The following ESRRB variants were observed in gnomAD, a reference collection of about 807,000 sequenced individuals.
The protein encoded by ESRRB is estrogen related receptor beta.
In ESRRB, 16 loss-of-function variants were observed where a neutral mutation model predicts 46.0. The ratio of observed to expected loss-of-function variants is 0.35; its 90% CI spans 0.24 to 0.53. The LOEUF is 0.53. Ranked by LOEUF, ESRRB falls within the 20% of genes least tolerant of loss-of-function variation. The pLI is 0.93. For missense variants in ESRRB, 488 were observed against 607.4 expected (o/e 0.80, Z 2.07); for synonymous variants, 246 against 259.6 (o/e 0.95, Z 0.50).
intron 1 of ESRRB, among the ~76,000 whole-genome samples, chr14:76,320,572 C>T (rs1324893304): frequency 2.6e-5 from 4 of 152,312 alleles, no homozygotes; most frequent in Admixed American, 6.5e-5. Context: ...TGCCTGGACA[C>T]GGCAGGCACT....
chr14:76,424,447 G>GTAGAAAGGGCCATGGCCA (rs1364634195), intron 1 of ESRRB, among the ~76,000 whole-genome samples: 2 of 152,150 alleles, frequency 1.3e-5, no homozygotes, highest in Non-Finnish European at 2.9e-5. Flanking sequence ...ACAAGGCTAT[G>GTAGAAAGGGCCATGGCCA]TAGAAAGGGC....
chr14:76,493,580 T>A (rs1442931847), intron 6 of ESRRB, among the ~76,000 whole-genome samples: 1 of 152,184 alleles, frequency 6.6e-6, no homozygotes, highest in Non-Finnish European at 1.5e-5. Flanking sequence ...GGATACAAAG[T>A]GTTATTAGCA....
intron 2 of ESRRB, among the ~76,000 whole-genome samples, chr14:76,442,687 AT>A (rs745393199): frequency 6.6e-6 from 1 of 152,106 alleles, no homozygotes; most frequent in Non-Finnish European, 1.5e-5. Flanking sequence ...CAACGGACAC[AT>A]TTATCTTATA....
At chr14:76,395,024 TGG>T (rs745350531) in intron 1 of ESRRB, among the ~76,000 whole-genome samples, 6 of 152,194 alleles carry the variant, frequency 3.9e-5, no homozygotes, top group African/African-American at 7.2e-5. Flanking sequence ...TCTCCCTATG[TGG>T]GCCCACTTCT....
At chr14:76,431,034 T>G (rs1010012605) in intron 1 of ESRRB, among the ~76,000 whole-genome samples, 3 of 152,226 alleles carry the variant, frequency 2.0e-5, no homozygotes, top group Non-Finnish European at 4.4e-5. Flanking sequence ...TGATGGCTCA[T>G]GCCTGTAATC....
At chr14:76,350,516 A>G (rs1375790546) in intron 1 of ESRRB, among the ~76,000 whole-genome samples, 1 of 152,196 alleles carries the variant, frequency 6.6e-6, no homozygotes, top group Non-Finnish European at 1.5e-5. Flanking sequence ...ACCTACCAGG[A>G]CGGCAGAAGC....
chr14:76,379,635 G>T (rs1274401525), intron 1 of ESRRB, among the ~76,000 whole-genome samples: 1 of 152,178 alleles, frequency 6.6e-6, no homozygotes, highest in Non-Finnish European at 1.5e-5. Context: ...AAGAGGATGG[G>T]TGATAGGAGG....
At chr14:76,492,731 C>A (rs2140052840) in intron 6 of ESRRB, among the ~76,000 whole-genome samples, 1 of 152,318 alleles carries the variant, frequency 6.6e-6, no homozygotes, top group East Asian at 1.9e-4. Context: ...ACCTTCCCAA[C>A]TGAGTGGTTT....
intron 2 of ESRRB, among the ~76,000 whole-genome samples, chr14:76,446,086 C>T (rs1888134013): frequency 6.6e-6 from 1 of 152,218 alleles, no homozygotes; most frequent in Non-Finnish European, 1.5e-5. Context: ...GTAAGCCAGC[C>T]ACCCTTGGTT....
At chr14:76,461,583 A>G (rs1888863329) in intron 2 of ESRRB, among the ~76,000 whole-genome samples, 1 of 152,124 alleles carries the variant, frequency 6.6e-6, no homozygotes. Flanking sequence ...ATCTCGGCTC[A>G]CTGCAACCTC....
intron 5 of ESRRB, among the ~76,000 whole-genome samples, chr14:76,489,480 C>CACACACACACACACACACACACACACA (rs1890138576): frequency 6.6e-6 from 1 of 150,692 alleles, no homozygotes; most frequent in Admixed American, 6.6e-5. Flanking sequence ...CACACACACA[C>CACACACACACACACACACACACACACA]CCTGATCCCC....
intron 1 of ESRRB, among the ~76,000 whole-genome samples, chr14:76,394,425 CCT>C (rs1435556674): frequency 6.6e-6 from 1 of 152,102 alleles, no homozygotes; most frequent in Non-Finnish European, 1.5e-5. Flanking sequence ...TGCCTCCTTC[CCT>C]CTTTCTGGGC....
chr14:76,440,723 TTCTC>T (rs558753089), intron 2 of ESRRB, among the ~76,000 whole-genome samples: 5 of 149,984 alleles, frequency 3.3e-5, no homozygotes, highest in Non-Finnish European at 5.9e-5. Context: ...CTCTCTCTCT[TTCTC>T]TCTCTCTCTC....
rs1024898732 is a variant in ESRRB at position 76,384,755 on chromosome 14, G to T, written c.50+8304G>T. 3.9e-5 allele frequency among the ~76,000 whole-genome samples: 6 copies of T among 152,292 alleles called. No homozygotes were observed. The South Asian group carries it at 1.2e-3, about 32-fold the overall frequency. On this transcript the variant is annotated intron_variant, in intron 1 of 6. Coordinates refer to ENST00000644823, the MANE Select transcript of ESRRB (RefSeq NM_001379180.1). Reference sequence around the variant, plus strand: ...AGACCAAAGGCACAGAGAGGACAAGGGGGGGTTATGACTTGGCGCATGTGA... The same window carrying T: ...AGACCAAAGGCACAGAGAGGACAAGTGGGGGTTATGACTTGGCGCATGTGA...
chr14:76,423,899 T>C (rs1595103516), intron 1 of ESRRB, among the ~76,000 whole-genome samples: 2 of 150,630 alleles, frequency 1.3e-5, no homozygotes, highest in South Asian at 2.1e-4. Flanking sequence ...GGGGGGAGAG[T>C]GGGCAGGAGA....
chr14:76,353,605 G>A (rs576298304), intron 1 of ESRRB, among the ~76,000 whole-genome samples: 2 of 152,236 alleles, frequency 1.3e-5, no homozygotes, highest in South Asian at 4.2e-4. Context: ...ATAAGTACAG[G>A]AGAGCCTATG....
At chr14:76,310,940 T>C in intron 1 of ESRRB, 2 of 453,318 alleles carry the variant, frequency 4.4e-6, no homozygotes, top group South Asian at 1.6e-5. Context: ...CTTCTCCCTT[T>C]CTCCTCCCCA....
chr14:76,319,528 A>C (rs1036521717), intron 1 of ESRRB, among the ~76,000 whole-genome samples: 2 of 152,174 alleles, frequency 1.3e-5, no homozygotes, highest in African/African-American at 2.4e-5. Context: ...ATCTTGAAGG[A>C]ACATGTAATT....
chr14:76,475,013 GA>G (rs1179667139), intron 3 of ESRRB, among the ~76,000 whole-genome samples: 2 of 151,314 alleles, frequency 1.3e-5, no homozygotes, highest in Non-Finnish European at 2.9e-5. Context: ...AGGATCGCTT[GA>G]GGTCAGGAGT....
Sources: allele counts gnomAD v4.1 joint callset (sites outside exome capture counted in the v4.1 genomes callset), GRCh38; gene constraint gnomAD v4.1.1; transcripts MANE v1.5; gene names NCBI Gene and HGNC (gene_info 2026-07-23, HGNC 2026-07-21).